NREP: variants seen among roughly 807,000 people sequenced by gnomAD.
NREP encodes neuronal regeneration related protein.
In NREP, 5 loss-of-function variants were observed where a neutral mutation model predicts 8.6. The observed-to-expected ratio is 0.58, with a 90% confidence interval of 0.30 to 1.22. The LOEUF (loss-of-function observed/expected upper bound fraction) is 1.22, where lower values mean the gene tolerates loss of function less well. Among genes scored for constraint, NREP ranks in the 50% most tolerant of loss-of-function variants. NREP has a pLI of 0.07. For synonymous variants in NREP, 27 were observed against 28.0 expected (o/e 0.96, Z 0.11); for missense variants, 86 against 82.5 (o/e 1.04, Z -0.17).
chr5:111,830,398 G>C (rs1752736617), intron 2 of NREP, among the ~76,000 whole-genome samples: 1 of 152,186 alleles, frequency 6.6e-6, no homozygotes, highest in Admixed American at 6.5e-5. Context: ...TCCTAAATCA[G>C]GCAAAGGATA....
At chr5:111,957,601 C>T (rs945742866) in intron 2 of NREP, among the ~76,000 whole-genome samples, 4 of 143,684 alleles carry the variant, frequency 2.8e-5, no homozygotes, top group African/African-American at 1.0e-4. Context: ...AGATAGAGTA[C>T]AAGAAAAGGA....
At chr5:111,803,489 T>C (rs1408942221) in intron 2 of NREP, among the ~76,000 whole-genome samples, 1 of 152,202 alleles carries the variant, frequency 6.6e-6, no homozygotes. Flanking sequence ...ATCCTTTCAT[T>C]GCGTTCCTTT....
intron 3 of NREP, chr5:111,734,704 G>C (rs369248999): frequency 7.1e-6 from 5 of 700,028 alleles, no homozygotes; most frequent in African/African-American, 3.5e-5. Flanking sequence ...CTTTCAAATA[G>C]AAATTTTATT....
At chr5:111,782,925 G>A (rs116010636) in intron 2 of NREP, among the ~76,000 whole-genome samples, 3 of 151,948 alleles carry the variant, frequency 2.0e-5, no homozygotes, top group Admixed American at 6.6e-5. Flanking sequence ...ACGAGACAAG[G>A]TTTCGCTATG....
chr5:111,926,141 T>C (rs916685895), intron 2 of NREP, among the ~76,000 whole-genome samples: 1 of 152,098 alleles, frequency 6.6e-6, no homozygotes, highest in Non-Finnish European at 1.5e-5. Flanking sequence ...GGTCTTTCAA[T>C]GAGAAGGGAA....
chr5:111,853,188 A>C (rs1753350328), intron 2 of NREP, among the ~76,000 whole-genome samples: 1 of 152,148 alleles, frequency 6.6e-6, no homozygotes, highest in African/African-American at 2.4e-5. Context: ...AGGAAAGGCA[A>C]AACTATATAG....
At chr5:111,830,775 C>A (rs1752748357) in intron 2 of NREP, among the ~76,000 whole-genome samples, 1 of 152,150 alleles carries the variant, frequency 6.6e-6, no homozygotes, top group South Asian at 2.1e-4. Context: ...TTTATCATCC[C>A]ATCAGTTCCA....
At chr5:111,797,000 T>C (rs2112899207) in intron 2 of NREP, among the ~76,000 whole-genome samples, 1 of 152,058 alleles carries the variant, frequency 6.6e-6, no homozygotes, top group East Asian at 1.9e-4. Context: ...AGAGGAATAG[T>C]GGAGTCTTGG....
chr5:111,952,723 A>G (rs1370987070), intron 2 of NREP, among the ~76,000 whole-genome samples: 1 of 152,108 alleles, frequency 6.6e-6, no homozygotes, highest in East Asian at 1.9e-4. Flanking sequence ...GATGAAAAAG[A>G]AGAGGGGGAA....
At chr5:111,873,930 T>C (rs1753846029) in intron 2 of NREP, among the ~76,000 whole-genome samples, 1 of 152,174 alleles carries the variant, frequency 6.6e-6, no homozygotes, top group South Asian at 2.1e-4. Context: ...TCTGAATTTC[T>C]TTCTACAAAC....
upstream of NREP, chr5:111,758,062 C>T: frequency 1.0e-6 from 1 of 985,588 alleles, no homozygotes; most frequent in Non-Finnish European, 1.2e-6. Context: ...GAGCCGCGCT[C>T]AGACACACAA....
At chr5:111,818,981 G>C (rs1177036634) in intron 2 of NREP, among the ~76,000 whole-genome samples, 3 of 152,174 alleles carry the variant, frequency 2.0e-5, no homozygotes, top group Non-Finnish European at 4.4e-5. Flanking sequence ...ATTTATGGTA[G>C]TTATACTTGT....
chr5:111,951,132 G>A (rs1193426111), intron 2 of NREP, among the ~76,000 whole-genome samples: 1 of 151,970 alleles, frequency 6.6e-6, no homozygotes, highest in African/African-American at 2.4e-5. Context: ...GTATCATGCT[G>A]TATGCATCCT....
chr5:111,967,785 T>A (rs2112664791), intron 2 of NREP, among the ~76,000 whole-genome samples: 1 of 152,250 alleles, frequency 6.6e-6, no homozygotes, highest in South Asian at 2.1e-4. Context: ...CTTGTAAACT[T>A]TTTAATTTAA....
chr5:111,812,526 C>G (rs1243804595), intron 2 of NREP, among the ~76,000 whole-genome samples: 1 of 152,084 alleles, frequency 6.6e-6, no homozygotes, highest in Non-Finnish European at 1.5e-5. Context: ...AAACAAGATT[C>G]AGTTCTACAT....
chr5:111,905,716 G>C (rs1754765471), intron 2 of NREP, among the ~76,000 whole-genome samples: 1 of 152,074 alleles, frequency 6.6e-6, no homozygotes, highest in African/African-American at 2.4e-5. Flanking sequence ...CCAAAGCTAA[G>C]AGTACTATAT....
At chr5:111,946,017 T>C (rs1755969027) in intron 2 of NREP, among the ~76,000 whole-genome samples, 1 of 151,392 alleles carries the variant, frequency 6.6e-6, no homozygotes. Flanking sequence ...ATGTGAGCCC[T>C]ACCTGACACA....
intron 2 of NREP, among the ~76,000 whole-genome samples, chr5:111,797,695 C>G (rs995305252): frequency 6.6e-6 from 1 of 152,114 alleles, no homozygotes; most frequent in African/African-American, 2.4e-5. Context: ...GCCCGCTAAA[C>G]AAGATAATTG....
At chr5:111,874,239 A>G in intron 2 of NREP, among the ~76,000 whole-genome samples, 1 of 152,218 alleles carries the variant, frequency 6.6e-6, no homozygotes, top group Non-Finnish European at 1.5e-5. Flanking sequence ...TTATCAGTCC[A>G]GATGTTAAAA....
Sources: allele counts gnomAD v4.1 joint callset (sites outside exome capture counted in the v4.1 genomes callset), GRCh38; gene constraint gnomAD v4.1.1; transcripts MANE v1.5; gene names NCBI Gene and HGNC (gene_info 2026-07-23, HGNC 2026-07-21).